The following AOX1 variants were observed in gnomAD, a reference collection of about 807,000 sequenced individuals.
AOX1 encodes aldehyde oxidase.
A neutral mutation model predicts 169.5 loss-of-function variants in AOX1; 153 were observed. The ratio of observed to expected loss-of-function variants is 0.90; its 90% confidence interval spans 0.79 to 1.03. AOX1 has a LOEUF of 1.03. AOX1 is among the 50% of genes least tolerant of loss of function. AOX1 has a pLI of 0.00. For missense variants in AOX1, 1,656 were observed against 1,663.9 expected (o/e 1.00, Z 0.08); for synonymous variants, 562 against 581.9 (o/e 0.97, Z 0.49).
At chr2:200,656,321 T>A (rs2035682778) in intron 26 of AOX1, among the ~76,000 whole-genome samples, 1 of 151,350 alleles carries the variant, frequency 6.6e-6, no homozygotes, top group African/African-American at 2.4e-5. Flanking sequence ...TATAAAAACA[T>A]GTTTAGCTTA....
At chr2:200,651,310 C>A in intron 26 of AOX1, 109 bp downstream of exon 26, 2 of 922,796 alleles carry the variant, frequency 2.2e-6, no homozygotes, top group Non-Finnish European at 3.4e-6. Context: ...GGTTGCAATG[C>A]CCAATTGTTA....
chr2:200,642,508 TGAAAA>T, intron 24 of AOX1, 97 bp from the exon 25 acceptor site: 1 of 864,866 alleles, frequency 1.2e-6, no homozygotes, highest in Non-Finnish European at 1.8e-6. Context: ...TTAGATGAGA[TGAAAA>T]GAGAGCTGCC....
Position 200,669,632 on chromosome 2 carries a change from G to A in AOX1, c.3856G>A (p.Ala1286Thr), listed in dbSNP as rs371463224. 2.7e-5 allele frequency: 44 copies of A among 1,613,814 alleles called. No homozygotes were observed. Among genetic ancestry groups the A allele is most frequent in the Admixed American group, 5.0e-5 (3 of 59,974 alleles). Reference sequence around the variant, plus strand: ...TTCCGTGTTTTTCGCTATCCATGACGCAGTGAGTGCAGCACGACAGGAGAG... The same window carrying A: ...TTCCGTGTTTTTCGCTATCCATGACACAGTGAGTGCAGCACGACAGGAGAG... Reference protein sequence around the residue: ...GCSVFFAIHDAVSAARQERGL... With the variant: ...GCSVFFAIHDTVSAARQERGL... The change falls in exon 34 of 35, where the codon GCA becomes ACA. Residue 1286 changes from alanine (A) to threonine (T), a missense_variant. Physicochemically the swap from Ala to Thr is moderately conservative, Grantham distance 58. Transcript: ENST00000374700.
chr2:200,618,724 C>T (rs893493968), intron 16 of AOX1, among the ~76,000 whole-genome samples: 3 of 152,084 alleles, frequency 2.0e-5, no homozygotes, highest in Admixed American at 2.0e-4. Context: ...TCTCGAGTTC[C>T]TGGAGCAGCA....
chr2:200,639,955 T>C (rs189563694), intron 23 of AOX1, among the ~76,000 whole-genome samples: 3 of 150,394 alleles, frequency 2.0e-5, no homozygotes, highest in Admixed American at 6.7e-5. Context: ...GAGAATCGCT[T>C]GAACCTGGGA....
chr2:200,655,090 G>A lies in AOX1; in HGVS notation c.3076-1752G>A, dbSNP rs189264470. On this transcript the variant is annotated intron_variant, in intron 26 of 34. Transcript: ENST00000374700. ...TATGAATTACATGCACACTTTGCGA[G>A]CCAAGGAGGCCAAATATGGAGTCTA... 2.6e-5 allele frequency among the ~76,000 whole-genome samples: 4 copies of A among 152,342 alleles called. No homozygotes were observed. The East Asian group carries it at 7.7e-4, about 29-fold the overall frequency.
intron 4 of AOX1, 61 bp downstream of exon 4, chr2:200,597,566 C>A: frequency 1.5e-6 from 2 of 1,308,900 alleles, no homozygotes; most frequent in Non-Finnish European, 2.2e-6. Context: ...GACATTGAGT[C>A]CCTGAGATTA....
At position 200,660,062 on chromosome 2, in the gene AOX1, A is replaced by G; in HGVS notation, c.3368A>G (p.Lys1123Arg). The G allele has an allele frequency of 6.2e-7, 1 of 1,613,596 alleles. No individual in the cohort carries two copies. Among genetic ancestry groups the G allele is most frequent in the Non-Finnish European group, 8.5e-7 (1 of 1,179,530 alleles). ...AGCAAGAATCCTAAAGGAACTTGGA[A>G]AGACTGGGTGAGAATCAATGGTTCT... The part of the protein sequence containing the change: ...IISKNPKGTW[K>R]DWAQTAFDES... Residue 1123 changes from lysine to arginine, a missense_variant, in exon 29 of 35, where the codon AAA (lysine) becomes AGA (arginine). By Grantham distance (26) the Lys-to-Arg change is conservative. Transcript: ENST00000374700.
At chr2:200,627,054 T>G (rs2035020579) in intron 19 of AOX1, among the ~76,000 whole-genome samples, 1 of 152,218 alleles carries the variant, frequency 6.6e-6, no homozygotes, top group South Asian at 2.1e-4. Flanking sequence ...TGGATTGTGG[T>G]GTGCAGACAA....
chr2:200,672,593 TAGAC>T (rs1299340468), downstream of AOX1, among the ~76,000 whole-genome samples: 5 of 152,312 alleles, frequency 3.3e-5, no homozygotes, highest in Admixed American at 6.5e-5. Flanking sequence ...GCAAACAAAA[TAGAC>T]AGAGATCCCT....
At chr2:200,674,387 A>G (rs890425347), downstream of AOX1, among the ~76,000 whole-genome samples, 3 of 151,020 alleles carry the variant, frequency 2.0e-5, no homozygotes, top group Non-Finnish European at 3.0e-5. Context: ...AGGTTAGGAT[A>G]TATATGGAAC....
chr2:200,612,760 G>A lies in AOX1; in HGVS notation c.1415G>A (p.Cys472Tyr). ...GGAGGCGTTGGTCCAGCCACCATCT[G>A]TGCCAAGAATTCCTGCCAGAAACTC... ...SYGGVGPATICAKNSCQKLIG... is the reference protein window; with the variant it reads ...SYGGVGPATIYAKNSCQKLIG... The change falls in exon 14 of 35, where the codon TGT becomes TAT. Residue 472 changes from cysteine to tyrosine, a missense_variant. Cys to Tyr is a radical substitution (Grantham distance 194, BLOSUM62 -2). Coordinates refer to ENST00000374700, the MANE Select transcript of AOX1 (RefSeq NM_001159.4). 6.2e-7 allele frequency: 1 copy of A among 1,613,936 alleles called. No individual in the cohort carries two copies. Among genetic ancestry groups the A allele is most frequent in the Non-Finnish European group, 8.5e-7 (1 of 1,179,928 alleles).
chr2:200,613,887 A>G lies in AOX1; in HGVS notation c.1532A>G (p.Lys511Arg), dbSNP rs1225861906. 3 of 1,612,724 alleles carry G rather than the reference A, an allele frequency of 1.9e-6. No individual in the cohort carries two copies. In the Admixed American group the frequency reaches 5.0e-5, roughly 27 times the overall value. The change falls in exon 15 of 35, where the codon AAA (lysine) becomes AGA (arginine). Residue 511 changes from lysine (K) to arginine (R), a missense_variant. Coordinates refer to ENST00000374700, the MANE Select transcript of AOX1 (RefSeq NM_001159.4). ...CTTTTGGGCTCGGCGCCAGGTGGGA[A>G]AGTGGAGTTCAAGAGGACTCTCATC... The part of the protein sequence containing the change: ...VSLLGSAPGG[K>R]VEFKRTLIIS...
chr2:200,614,007 G>A lies in AOX1; in HGVS notation c.1611+41G>A, dbSNP rs540956750. On this transcript the variant is annotated intron_variant, in intron 15 of 34. Transcript: ENST00000374700. ...CACATTAACTTCCCCAGTACTGGGA[G>A]CTATGATGACACCAAAAGTAGAGGC... is the stretch of plus-strand genomic sequence containing the variant. 5 of 1,577,688 alleles carry A rather than the reference G, an allele frequency of 3.2e-6. No homozygotes were observed. The South Asian group carries it at 4.6e-5, about 14-fold the overall frequency.
At chr2:200,625,008 G>A in intron 19 of AOX1, among the ~76,000 whole-genome samples, 1 of 152,134 alleles carries the variant, frequency 6.6e-6, no homozygotes, top group Non-Finnish European at 1.5e-5. Flanking sequence ...GGGTGTTGGG[G>A]GTGCTTCTTG....
rs2035969885 is a variant in AOX1 at position 200,668,635 on chromosome 2, A to G, written c.3630A>G (p.Gln1210=). The change falls in exon 33 of 35, where the codon CAA becomes CAG. Residue 1210 remains glutamine, a synonymous_variant. Coordinates refer to ENST00000374700, the MANE Select transcript of AOX1 (RefSeq NM_001159.4). ...CTCAGATTGAAGGTGCATTTATTCAAGGCATGGGACTTTATACAATAGAGG... is the reference window on the plus strand; with the variant it reads ...CTCAGATTGAAGGTGCATTTATTCAGGGCATGGGACTTTATACAATAGAGG... ...DIGQIEGAFI[Q]GMGLYTIEEL... The G allele has an allele frequency of 6.2e-7, 1 of 1,608,454 alleles. No homozygotes were observed. Among genetic ancestry groups the G allele is most frequent in the Middle Eastern group, 1.7e-4 (1 of 6,050 alleles).
intron 29 of AOX1, 53 bp from the exon 30 acceptor site, chr2:200,661,526 T>C: frequency 7.1e-7 from 1 of 1,405,946 alleles, no homozygotes; most frequent in Non-Finnish European, 1.0e-6. Context: ...AAGTCTTGAG[T>C]GATTCTTTCT....
chr2:200,629,165 G>A (rs2035064609), intron 20 of AOX1, among the ~76,000 whole-genome samples: 1 of 152,162 alleles, frequency 6.6e-6, no homozygotes, highest in Admixed American at 6.5e-5. Context: ...AATGTCACCT[G>A]AAAGCTGTAG....
At chr2:200,588,895 C>G (rs1190666060) in intron 1 of AOX1, among the ~76,000 whole-genome samples, 1 of 151,756 alleles carries the variant, frequency 6.6e-6, no homozygotes, top group African/African-American at 2.4e-5. Flanking sequence ...CCCAGGTGAT[C>G]TCCCTGACTC....
Sources: allele counts gnomAD v4.1 joint callset (sites outside exome capture counted in the v4.1 genomes callset), GRCh38; gene constraint gnomAD v4.1.1; transcripts MANE v1.5; gene names NCBI Gene and HGNC (gene_info 2026-07-23, HGNC 2026-07-21).